ZNF106: variants seen among roughly 807,000 people sequenced by gnomAD.
ZNF106 encodes the protein zinc finger protein 106, also known as SH3-domain binding protein 3.
A neutral mutation model predicts 195.1 loss-of-function variants in ZNF106; 67 were observed. The ratio of observed to expected loss-of-function variants is 0.34; its 90% confidence interval spans 0.28 to 0.42. ZNF106 has a LOEUF of 0.42. ZNF106 is among the 10% of genes least tolerant of loss of function. The pLI, the probability that ZNF106 is intolerant of heterozygous loss-of-function variation, is 1.00. For synonymous variants in ZNF106, 784 were observed against 818.6 expected, an observed-to-expected ratio of 0.96 and a Z score of 0.72; for missense variants, 2,118 against 2,304.5, an observed-to-expected ratio of 0.92 and a Z score of 1.66.
intron 1 of ZNF106, among the ~76,000 whole-genome samples, chr15:42,488,888 C>T (rs1345617657): frequency 6.6e-6 from 1 of 151,920 alleles, no homozygotes; most frequent in Non-Finnish European, 1.5e-5. Context: ...ACCAGCCCAG[C>T]CAACATGGTG....
chr15:42,472,772 G>A (rs1300092607), intron 1 of ZNF106, among the ~76,000 whole-genome samples: 1 of 152,110 alleles, frequency 6.6e-6, no homozygotes, highest in Admixed American at 6.5e-5. Context: ...AGCATTTTGG[G>A]AGGCCGACGC....
At chr15:42,441,045 A>G (rs1189318633) in intron 10 of ZNF106, among the ~76,000 whole-genome samples, 3 of 102,580 alleles carry the variant, frequency 2.9e-5, no homozygotes, top group Non-Finnish European at 6.1e-5. Context: ...ATATATATAT[A>G]TATGCTAAGT....
intron 8 of ZNF106, among the ~76,000 whole-genome samples, chr15:42,444,485 G>C (rs2055689354): frequency 6.6e-6 from 1 of 152,186 alleles, no homozygotes; most frequent in Non-Finnish European, 1.5e-5. Flanking sequence ...AACACTGAAA[G>C]AAATTGGCCC....
At chr15:42,474,578 G>C (rs1400891378) in intron 1 of ZNF106, among the ~76,000 whole-genome samples, 1 of 151,980 alleles carries the variant, frequency 6.6e-6, no homozygotes, top group African/African-American at 2.4e-5. Flanking sequence ...GGGCAACATA[G>C]TGTCTCTACA....
At chr15:42,478,742 C>T (rs2056838799) in intron 1 of ZNF106, among the ~76,000 whole-genome samples, 2 of 151,988 alleles carry the variant, frequency 1.3e-5, no homozygotes, top group South Asian at 2.1e-4. Context: ...GAACTCCTGA[C>T]CTCAGGCTAT....
chr15:42,462,121 G>A (rs1252010343), intron 3 of ZNF106, among the ~76,000 whole-genome samples: 1 of 152,184 alleles, frequency 6.6e-6, no homozygotes, highest in East Asian at 1.9e-4. Flanking sequence ...TGGCAGCTCA[G>A]GGAGGCTTTT....
chr15:42,450,633 G>C lies in ZNF106; in HGVS notation c.1639C>G (p.Gln547Glu), dbSNP rs780009352. The stretch of plus-strand genomic sequence containing the variant: ...TTTAAATTATCACCAGATTGCTTTT[G>C]AGAGCCAAATGTACTTTTATTCCCT... ...LKGNKSTFGS[Q>E]KQSGDNLNDT... Residue 547 changes from glutamine (Q) to glutamate (E), a missense_variant, in exon 5 of 22, where the codon CAA becomes GAA. Physicochemically the swap from Gln to Glu is conservative, Grantham distance 29. Coordinates refer to ENST00000564754, the MANE Select transcript of ZNF106 (RefSeq NM_001366845.3). 1.9e-6 allele frequency: 3 copies of C among 1,614,178 alleles called. No homozygotes were observed. The South Asian group carries it at 3.3e-5, about 18-fold the overall frequency.
chr15:42,444,112 C>CAAAAAA (rs58966014), intron 9 of ZNF106, 90 bp downstream of exon 9: 19 of 248,932 alleles, frequency 7.6e-5, no homozygotes, highest in East Asian at 1.9e-4. Flanking sequence ...ACTCTGTCTC[C>CAAAAAA]AAAAAAAAAA....
intron 3 of ZNF106, among the ~76,000 whole-genome samples, chr15:42,459,377 G>C (rs1419696353): frequency 6.6e-6 from 1 of 152,100 alleles, no homozygotes; most frequent in Non-Finnish European, 1.5e-5. Context: ...TCAAGAGGCT[G>C]AGGCAGGAGA....
chr15:42,474,330 T>C (rs1243582915), intron 1 of ZNF106, among the ~76,000 whole-genome samples: 1 of 152,048 alleles, frequency 6.6e-6, no homozygotes, highest in Non-Finnish European at 1.5e-5. Flanking sequence ...TTTTGTTCAC[T>C]AGTATAGTTC....
At chr15:42,438,537 G>T in intron 12 of ZNF106, 75 bp downstream of exon 12, 1 of 1,305,844 alleles carries the variant, frequency 7.7e-7, no homozygotes, top group Non-Finnish European at 1.1e-6. Flanking sequence ...ATTTAAGTAG[G>T]TTTAAATCCT....
In ZNF106 at chr15:42,439,442, G is replaced by T. The variant is rs190531522; in HGVS notation, c.4135C>A (p.Arg1379=). 8 of 1,613,366 alleles carry T rather than the reference G, an allele frequency of 5.0e-6. No homozygotes were observed. In the East Asian group the frequency reaches 1.6e-4, roughly 31 times the overall value. Residue 1379 remains arginine, a synonymous_variant, in exon 11 of 22, where the codon CGG becomes AGG. Coordinates refer to ENST00000564754, the MANE Select transcript of ZNF106 (RefSeq NM_001366845.3). ...TRGSKKKKKL[R]KKKSLRAAHV... ...GCAGCCCGTAGACTTTTCTTCTTCC[G>T]GAGTTTCTTCTTTTTCTTGCTTCCC...
At chr15:42,421,263 G>A in intron 19 of ZNF106, 131 bp from the exon 20 acceptor site, 1 of 802,144 alleles carries the variant, frequency 1.2e-6, no homozygotes, top group Non-Finnish European at 2.1e-6. Context: ...CAGCTCCAGA[G>A]CAGGAGAATG....
At position 42,450,413 on chromosome 15, in the gene ZNF106, G is replaced by A. The variant is rs746674116; in HGVS notation, c.1859C>T (p.Thr620Met). The change falls in exon 5 of 22, where the codon ACG becomes ATG. Residue 620 changes from threonine (T) to methionine (M), a missense_variant. Thr to Met is a moderately conservative substitution (Grantham distance 81). Coordinates refer to ENST00000564754, the MANE Select transcript of ZNF106 (RefSeq NM_001366845.3). ...EDESDGETSD[T>M]EKHGTKIGTL... Reference sequence around the variant, plus strand: ...TCCAATTTTTGTTCCATGCTTTTCCGTGTCAGATGTCTCTCCATCACTTTC... The same window carrying A: ...TCCAATTTTTGTTCCATGCTTTTCCATGTCAGATGTCTCTCCATCACTTTC... 35 of 1,614,014 alleles carry A rather than the reference G, an allele frequency of 2.2e-5. No homozygotes were observed. Among genetic ancestry groups the A allele is most frequent in the East Asian group, 8.9e-5 (4 of 44,886 alleles).
intron 3 of ZNF106, among the ~76,000 whole-genome samples, chr15:42,465,482 G>A (rs2056494601): frequency 6.6e-6 from 1 of 151,838 alleles, no homozygotes; most frequent in Non-Finnish European, 1.5e-5. Flanking sequence ...TTTCTACGTT[G>A]CCCAGGCTGG....
intron 14 of ZNF106, among the ~76,000 whole-genome samples, chr15:42,433,394 C>A (rs1468111496): frequency 1.3e-5 from 2 of 152,048 alleles, no homozygotes; most frequent in African/African-American, 2.4e-5. Flanking sequence ...CGTGAGCCAC[C>A]GCGCCCAGCC....
chr15:42,483,515 C>T (rs2056949269), intron 1 of ZNF106, among the ~76,000 whole-genome samples: 1 of 152,146 alleles, frequency 6.6e-6, no homozygotes, highest in African/African-American at 2.4e-5. Context: ...ACGGTGCCTC[C>T]ATCTAAACAT....
chr15:42,486,009 G>T (rs2057006496), intron 1 of ZNF106, among the ~76,000 whole-genome samples: 1 of 150,012 alleles, frequency 6.7e-6, no homozygotes, highest in South Asian at 2.1e-4. Context: ...CCAGGCTGGA[G>T]TGTGGTGGCA....
At chr15:42,482,820 C>T (rs1027907775) in intron 1 of ZNF106, among the ~76,000 whole-genome samples, 4 of 152,088 alleles carry the variant, frequency 2.6e-5, no homozygotes, top group Non-Finnish European at 4.4e-5. Context: ...TGAGCCACCG[C>T]GCCCGGCAAA....
Sources: gnomAD v4.1 joint callset for allele counts (sites outside exome capture counted in the v4.1 genomes callset) on GRCh38, gnomAD v4.1.1 for gene constraint, MANE v1.5 for transcripts, NCBI Gene and HGNC (gene_info 2026-07-23, HGNC 2026-07-21) for gene names.